The following ASIC2 variants were observed in gnomAD, a reference collection of about 807,000 sequenced individuals.
ASIC2 encodes acid sensing ion channel subunit 2, also known as acid-sensing ion channel 2.
Under a neutral mutation model 57.3 loss-of-function variants are expected in ASIC2, and 25 were observed. The observed-to-expected ratio is 0.44, with a 90% CI of 0.32 to 0.61. The LOEUF (loss-of-function observed/expected upper bound fraction) is 0.61. Ranked by LOEUF, ASIC2 falls within the 20% of genes least tolerant of loss-of-function variation. The pLI is 0.06. For synonymous variants in ASIC2, 319 were observed against 307.5 expected (o/e 1.04, Z -0.39); for missense variants, 641 against 738.1 (o/e 0.87, Z 1.52).
rs545329725 is a variant in ASIC2 at position 33,330,735 on chromosome 17, T to G, written c.556-218668A>C. Among the ~76,000 whole-genome samples the G allele has an allele frequency of 3.3e-5, 5 of 152,312 alleles. No individual in the cohort carries two copies. In the East Asian group the frequency reaches 5.8e-4, roughly 18 times the overall value. Reference sequence around the variant, plus strand: ...TTTCCCTGCACTGTCAGTTCTTTCTTTCTTTCTTTGTGGATGGGTTTATTC... The same window carrying G: ...TTTCCCTGCACTGTCAGTTCTTTCTGTCTTTCTTTGTGGATGGGTTTATTC... On this transcript the variant is annotated intron_variant, in intron 1 of 9. Transcript: ENST00000359872.
In ASIC2 at chr17:33,111,923, C is replaced by T. The variant is rs758492772; in HGVS notation, c.853G>A (p.Glu285Lys). The change falls in exon 2 of 10, where the codon GAG (glutamate) becomes AAG (lysine). Residue 285 changes from glutamate (E) to lysine (K), a missense_variant. Physicochemically the swap from Glu to Lys is moderately conservative, Grantham distance 56. Transcript: ENST00000225823. ...GTCCCTGTGCCCAGCTCACCTGTCT[C>T]TCCCCAGATGGGCAGGTACTCATCC... Reference protein sequence around the residue: ...QQDEYLPIWGETEETTFEAGV... With the variant: ...QQDEYLPIWGKTEETTFEAGV... 1 of 1,611,942 alleles carries T rather than the reference C, an allele frequency of 6.2e-7. No homozygotes were observed. Among genetic ancestry groups the T allele is most frequent in the Non-Finnish European group, 8.5e-7 (1 of 1,179,030 alleles).
intron 1 of ASIC2, among the ~76,000 whole-genome samples, chr17:33,942,597 T>C (rs970417256): frequency 2.0e-5 from 3 of 152,130 alleles, no homozygotes; most frequent in African/African-American, 7.2e-5. Context: ...AAGTCACTGA[T>C]TAATGAGTGG....
At chr17:33,254,575 AC>A (rs1908993401) in intron 1 of ASIC2, among the ~76,000 whole-genome samples, 1 of 151,806 alleles carries the variant, frequency 6.6e-6, no homozygotes, top group African/African-American at 2.4e-5. Context: ...AGCCTGGTAG[AC>A]CTATTTCCCC....
At chr17:33,739,942 AAAG>A (rs993746300) in intron 1 of ASIC2, among the ~76,000 whole-genome samples, 1 of 138,064 alleles carries the variant, frequency 7.2e-6, no homozygotes, top group African/African-American at 2.8e-5. Flanking sequence ...AAAGAGAAAG[AAAG>A]AAAAGAAAAA....
At chr17:33,041,925 C>A (rs2091931691) in intron 3 of ASIC2, among the ~76,000 whole-genome samples, 1 of 152,096 alleles carries the variant, frequency 6.6e-6, no homozygotes, top group Non-Finnish European at 1.5e-5. Context: ...CTGTGAGGTC[C>A]CCCTGTTTCT....
intron 1 of ASIC2, among the ~76,000 whole-genome samples, chr17:33,211,178 G>A (rs1339302200): frequency 6.6e-6 from 1 of 152,120 alleles, no homozygotes; most frequent in Non-Finnish European, 1.5e-5. Context: ...GAAGTGTGTG[G>A]CCCTTCCACG....
chr17:33,326,959 T>G (rs930049253), intron 1 of ASIC2, among the ~76,000 whole-genome samples: 3 of 152,350 alleles, frequency 2.0e-5, no homozygotes, highest in African/African-American at 7.2e-5. Context: ...AATTTGGGCA[T>G]GTACAAATAC....
rs112859262 is a variant in ASIC2, at chr17:33,060,524, C to G, written c.987+28339G>C. On this transcript the variant is annotated intron_variant, in intron 3 of 9. Transcript: ENST00000225823. ...TGTTCTGTTCCGTTGGTCTATATCT[C>G]TGTTTTGGTACAAGTACCATGCTGT... 3.1e-3 allele frequency among the ~76,000 whole-genome samples: 473 copies of G among 152,258 alleles called. 1 individual carries two copies. Among genetic ancestry groups the G allele is most frequent in the African/African-American group, 9.5e-3 (394 of 41,530 alleles).
At chr17:34,096,363 G>A (rs918917773) in intron 1 of ASIC2, among the ~76,000 whole-genome samples, 2 of 152,190 alleles carry the variant, frequency 1.3e-5, no homozygotes, top group African/African-American at 2.4e-5. Context: ...GTAACCACAA[G>A]AAGCTCATAT....
intron 1 of ASIC2, among the ~76,000 whole-genome samples, chr17:33,351,314 T>C (rs1908168625): frequency 6.6e-6 from 1 of 151,762 alleles, no homozygotes; most frequent in African/African-American, 2.4e-5. Context: ...CAGTTCCAGG[T>C]CTAAGCACCA....
chr17:34,036,680 G>GTTTTTTTTTT (rs71147413), intron 1 of ASIC2: 4 of 100,528 alleles, frequency 4.0e-5, no homozygotes, highest in Non-Finnish European at 6.0e-5. Flanking sequence ...CTTTGAATTT[G>GTTTTTTTTTT]TTTTTTTTTT....
chr17:33,994,311 C>T (rs752483171), intron 1 of ASIC2, among the ~76,000 whole-genome samples: 1 of 152,166 alleles, frequency 6.6e-6, no homozygotes, highest in Admixed American at 6.5e-5. Flanking sequence ...GCACAGGATG[C>T]AAAGAATGTT....
At chr17:33,690,935 G>A (rs1317019181) in intron 1 of ASIC2, among the ~76,000 whole-genome samples, 2 of 151,722 alleles carry the variant, frequency 1.3e-5, no homozygotes, top group Admixed American at 6.6e-5. Flanking sequence ...ATTTTTAGTA[G>A]AGACGGGGTT....
chr17:33,315,820 A>G (rs148352175), intron 1 of ASIC2, among the ~76,000 whole-genome samples: 110 of 152,354 alleles, frequency 7.2e-4, no homozygotes, highest in African/African-American at 2.5e-3. Context: ...AAGAAAGCCA[A>G]TGAGGATCAG....
intron 1 of ASIC2, among the ~76,000 whole-genome samples, chr17:33,954,256 G>A (rs893737930): frequency 3.3e-5 from 5 of 152,124 alleles, no homozygotes; most frequent in African/African-American, 1.2e-4. Context: ...AGATGGGGAG[G>A]AGTGTGTTGT....
chr17:34,040,550 A>G (rs1908091826), intron 1 of ASIC2, among the ~76,000 whole-genome samples: 2 of 152,190 alleles, frequency 1.3e-5, no homozygotes, highest in Admixed American at 1.3e-4. Context: ...CCTATTACAG[A>G]GGCAGAAAGT....
chr17:33,837,642 T>C (rs949029868), intron 1 of ASIC2, among the ~76,000 whole-genome samples: 3 of 152,240 alleles, frequency 2.0e-5, no homozygotes, highest in African/African-American at 4.8e-5. Context: ...AGTGTGGGCA[T>C]AGTAGTCTAT....
intron 1 of ASIC2, among the ~76,000 whole-genome samples, chr17:33,147,878 G>C (rs1409507997): frequency 6.6e-6 from 1 of 152,182 alleles, no homozygotes; most frequent in African/African-American, 2.4e-5. Flanking sequence ...TGCGTGCTGT[G>C]GGCGCTGGTT....
intron 1 of ASIC2, among the ~76,000 whole-genome samples, chr17:33,723,764 G>A (rs973343501): frequency 1.1e-4 from 17 of 152,180 alleles, no homozygotes; most frequent in African/African-American, 2.4e-4. Context: ...GATGATGGAC[G>A]TATTCTGTTC....
Sources: allele counts gnomAD v4.1 joint callset (sites outside exome capture counted in the v4.1 genomes callset), GRCh38; gene constraint gnomAD v4.1.1; transcripts MANE v1.5; gene names NCBI Gene and HGNC (gene_info 2026-07-23, HGNC 2026-07-21).